UBE2F: variants seen among roughly 807,000 people sequenced by gnomAD.
UBE2F encodes the protein ubiquitin conjugating enzyme E2 F (putative).
UBE2F carries 5 observed loss-of-function variants against 29.6 expected under a neutral mutation model. The ratio of observed to expected loss-of-function variants is 0.17; its 90% CI spans 0.09 to 0.36. UBE2F has a LOEUF of 0.36. Ranked by LOEUF, UBE2F falls within the 10% of genes least tolerant of loss-of-function variation. UBE2F has a pLI of 1.00. For synonymous variants in UBE2F, 66 were observed against 81.8 expected (o/e 0.81, Z 1.04); for missense variants, 141 against 228.5 (o/e 0.62, Z 2.47).
chr2:238,023,942 A>G (rs896273163), intron 5 of UBE2F, among the ~76,000 whole-genome samples: 4 of 152,112 alleles, frequency 2.6e-5, no homozygotes, highest in Non-Finnish European at 5.9e-5. Flanking sequence ...CCCTGCATTG[A>G]TAGAGCAGGG....
chr2:238,033,169 A>G (rs1338701962), intron 8 of UBE2F, among the ~76,000 whole-genome samples: 3 of 152,208 alleles, frequency 2.0e-5, no homozygotes, highest in Non-Finnish European at 2.9e-5. Flanking sequence ...ATGAGTCCAG[A>G]ACCTCAGAGT....
chr2:237,968,732 C>A (rs1449218215), intron 1 of UBE2F: 1 of 495,882 alleles, frequency 2.0e-6, no homozygotes, highest in Non-Finnish European at 2.6e-6. Flanking sequence ...AGGAACCTAA[C>A]TGGGCCAATT....
At chr2:238,015,955 A>T (rs1490444051) in intron 4 of UBE2F, among the ~76,000 whole-genome samples, 1 of 152,064 alleles carries the variant, frequency 6.6e-6, no homozygotes, top group Non-Finnish European at 1.5e-5. Context: ...TGTGGATGGC[A>T]ATGTGGTGAT....
intron 2 of UBE2F, 94 bp from the exon 3 acceptor site, chr2:237,987,869 G>A (rs1019148101): frequency 1.6e-5 from 5 of 313,652 alleles, no homozygotes; most frequent in Non-Finnish European, 2.1e-5. Flanking sequence ...TTTTTTTTTT[G>A]ATTCAGTGTT....
chr2:237,988,133 G>A lies in UBE2F; in HGVS notation c.148+141G>A, dbSNP rs1253682085. 7.0e-6 allele frequency: 4 copies of A among 573,406 alleles called. No individual in the cohort carries two copies. The Admixed American group carries it at 9.8e-5, about 14-fold the overall frequency. 35.5% of individuals were successfully genotyped at this position (573,406 alleles called of 1,614,324 possible). On this transcript the variant is annotated intron_variant, in intron 3 of 9. Transcript: ENST00000272930. ...AATTTTAATTTTCTGTGAAAAGGTA[G>A]GATTTTTTCAAGTGTCTAATAAGAA...
In UBE2F at chr2:238,039,330, G is replaced by A. The variant is rs367637420; in HGVS notation, c.508-1958G>A. Among the ~76,000 whole-genome samples the A allele has an allele frequency of 4.4e-4, 67 of 152,370 alleles. 5 individuals are homozygous for A. The South Asian group carries it at 0.014, about 32-fold the overall frequency. Reference sequence around the variant, plus strand: ...AGGGGGCCACAGAGGGCCGGGTGGTGAGAGAGGAGCGCTCCAGAAAACCTT... The same window carrying A: ...AGGGGGCCACAGAGGGCCGGGTGGTAAGAGAGGAGCGCTCCAGAAAACCTT... On this transcript the variant is annotated intron_variant, in intron 9 of 9. Coordinates refer to ENST00000272930, the MANE Select transcript of UBE2F (RefSeq NM_080678.3).
chr2:238,023,968 G>A (rs1015448202), intron 5 of UBE2F, among the ~76,000 whole-genome samples: 7 of 152,188 alleles, frequency 4.6e-5, no homozygotes, highest in Admixed American at 1.3e-4. Context: ...AGAAGAGGAA[G>A]CAACCTGAGG....
chr2:237,991,964 A>G (rs2063600425), intron 3 of UBE2F, among the ~76,000 whole-genome samples: 1 of 151,730 alleles, frequency 6.6e-6, no homozygotes, highest in African/African-American at 2.4e-5. Flanking sequence ...CCCCGGGTTC[A>G]AGCAGTTCTC....
intron 6 of UBE2F, among the ~76,000 whole-genome samples, chr2:238,026,692 T>G (rs2064439964): frequency 6.6e-6 from 1 of 152,112 alleles, no homozygotes. Context: ...CTCGGCCTCC[T>G]AGAGTGCTGG....
chr2:238,031,209 A>G (rs2106406374), intron 7 of UBE2F, among the ~76,000 whole-genome samples: 1 of 152,350 alleles, frequency 6.6e-6, no homozygotes, highest in South Asian at 2.1e-4. Context: ...CGCTCTAGAA[A>G]TGTCCTGCCC....
At chr2:237,979,330 G>C (rs577848667) in intron 2 of UBE2F, among the ~76,000 whole-genome samples, 2 of 152,338 alleles carry the variant, frequency 1.3e-5, no homozygotes, top group South Asian at 2.1e-4. Context: ...GCCTCTCTCT[G>C]TGAGGGTGCC....
At chr2:238,034,264 TA>T (rs1338062655) in intron 8 of UBE2F, among the ~76,000 whole-genome samples, 2,080 of 140,542 alleles carry the variant, frequency 0.015, 15 homozygotes, top group African/African-American at 0.026. Flanking sequence ...TCACCTCTAC[TA>T]AAAAAAAAAA....
chr2:238,001,513 G>T (rs1044096098), intron 4 of UBE2F, among the ~76,000 whole-genome samples: 1 of 151,856 alleles, frequency 6.6e-6, no homozygotes, highest in Non-Finnish European at 1.5e-5. Flanking sequence ...CTCTAAATTT[G>T]TTTCAGAATA....
chr2:238,031,297 C>T (rs567231231), intron 7 of UBE2F, among the ~76,000 whole-genome samples: 8 of 152,238 alleles, frequency 5.3e-5, no homozygotes, highest in Non-Finnish European at 1.2e-4. Context: ...CTGGCAGACT[C>T]CTGCTCCCCT....
At chr2:237,981,965 G>C (rs954101235) in intron 2 of UBE2F, among the ~76,000 whole-genome samples, 1 of 152,128 alleles carries the variant, frequency 6.6e-6, no homozygotes, top group African/African-American at 2.4e-5. Context: ...TGAAACTCTT[G>C]ATATAATTGG....
chr2:238,033,547 A>G (rs2064634968), intron 8 of UBE2F, among the ~76,000 whole-genome samples: 1 of 152,140 alleles, frequency 6.6e-6, no homozygotes, highest in Non-Finnish European at 1.5e-5. Flanking sequence ...CACCTGCAGG[A>G]CTCAGTTAAA....
At chr2:237,980,757 A>G (rs1012295491) in intron 2 of UBE2F, among the ~76,000 whole-genome samples, 14 of 152,162 alleles carry the variant, frequency 9.2e-5, no homozygotes, top group Admixed American at 5.9e-4. Flanking sequence ...TGAGCACCCC[A>G]TGTGTGCCCA....
At chr2:238,011,227 T>C (rs2064020408) in intron 4 of UBE2F, among the ~76,000 whole-genome samples, 1 of 152,246 alleles carries the variant, frequency 6.6e-6, no homozygotes, top group South Asian at 2.1e-4. Context: ...CTGCTCCCTC[T>C]TTGGGCTCAG....
At chr2:238,025,289 T>G in intron 5 of UBE2F, 53 bp from the exon 6 acceptor site, 1 of 1,486,254 alleles carries the variant, frequency 6.7e-7, no homozygotes, top group Non-Finnish European at 9.4e-7. Context: ...GGCCTGGAGA[T>G]GTGATTTGCA....
Sources: gnomAD v4.1 joint callset for allele counts (sites outside exome capture counted in the v4.1 genomes callset) on GRCh38, gnomAD v4.1.1 for gene constraint, MANE v1.5 for transcripts, NCBI Gene and HGNC (gene_info 2026-07-23, HGNC 2026-07-21) for gene names.